VRK1: variants seen among roughly 807,000 people sequenced by gnomAD.
The protein encoded by VRK1 is VRK serine/threonine kinase 1.
VRK1 carries 33 observed loss-of-function variants against 57.1 expected under a neutral mutation model. That is an observed-to-expected ratio of 0.58 (90% CI 0.44 to 0.77). The LOEUF (loss-of-function observed/expected upper bound fraction) is 0.77, where lower values mean the gene tolerates loss of function less well. Among genes scored for constraint, VRK1 ranks in the 30% least tolerant of loss-of-function variants. The pLI is 0.00. For synonymous variants in VRK1, 137 were observed against 147.8 expected, an observed-to-expected ratio of 0.93 and a Z score of 0.53; for missense variants, 413 against 477.3, an observed-to-expected ratio of 0.87 and a Z score of 1.25.
intron 1 of VRK1, among the ~76,000 whole-genome samples, chr14:96,822,168 A>G (rs539329636): frequency 6.6e-6 from 1 of 151,828 alleles, no homozygotes; most frequent in South Asian, 2.1e-4. Flanking sequence ...TGAATAAAAT[A>G]TAAGCTCCAT....
chr14:96,807,255 A>G (rs951798938), intron 1 of VRK1, among the ~76,000 whole-genome samples: 2 of 152,204 alleles, frequency 1.3e-5, no homozygotes, highest in Non-Finnish European at 2.9e-5. Context: ...GTGGAAGTCT[A>G]CTTAATTTCT....
At chr14:96,852,690 G>A in intron 5 of VRK1, 141 bp from the exon 6 acceptor site, 1 of 708,970 alleles carries the variant, frequency 1.4e-6, no homozygotes, top group South Asian at 1.6e-5. Context: ...GGGAGAAATT[G>A]TTTCAAATGT....
At chr14:96,807,611 C>T (rs2139686030) in intron 1 of VRK1, among the ~76,000 whole-genome samples, 1 of 152,288 alleles carries the variant, frequency 6.6e-6, no homozygotes, top group African/African-American at 2.4e-5. Flanking sequence ...CCTTCTTCTA[C>T]ATAATTTTAT....
At chr14:96,832,084 G>A (rs749807587) in intron 1 of VRK1, among the ~76,000 whole-genome samples, 1 of 150,520 alleles carries the variant, frequency 6.6e-6, no homozygotes, top group Admixed American at 6.7e-5. Flanking sequence ...TTTAGACAGC[G>A]AAGATGCATT....
At chr14:96,881,074 T>A in intron 12 of VRK1, 103 bp from the exon 13 acceptor site, 1 of 1,023,824 alleles carries the variant, frequency 9.8e-7, no homozygotes, top group Non-Finnish European at 1.4e-6. Context: ...GTCGATTTGA[T>A]TTTAAAATGT....
At chr14:96,817,703 T>C (rs757435475) in intron 1 of VRK1, among the ~76,000 whole-genome samples, 1 of 152,248 alleles carries the variant, frequency 6.6e-6, no homozygotes, top group Non-Finnish European at 1.5e-5. Flanking sequence ...TGTAAAAGTT[T>C]GCTCACTAAT....
intron 5 of VRK1, among the ~76,000 whole-genome samples, chr14:96,851,186 G>C (rs1257624108): frequency 1.3e-5 from 2 of 151,448 alleles, no homozygotes; most frequent in Non-Finnish European, 2.9e-5. Flanking sequence ...TTGTCGTGCA[G>C]CTGGAGTGCA....
intron 1 of VRK1, among the ~76,000 whole-genome samples, chr14:96,817,349 T>C (rs8013081): frequency 0.62 from 94,589 of 151,816 alleles, 30,314 homozygotes; most frequent in African/African-American, 0.68. Context: ...TTTAATTTGT[T>C]TTTTGAATTT....
intron 1 of VRK1, among the ~76,000 whole-genome samples, chr14:96,818,528 T>G (rs1017616089): frequency 6.6e-6 from 1 of 152,298 alleles, no homozygotes; most frequent in East Asian, 1.9e-4. Flanking sequence ...CAGTTTGAGT[T>G]TAGCTTAATG....
rs1392561922 is a variant in VRK1, at chr14:96,881,197, G to A, written c.1180G>A (p.Val394Ile). 3.1e-6 allele frequency: 5 copies of A among 1,605,702 alleles called. No individual in the cohort carries two copies. Among genetic ancestry groups the A allele is most frequent in the Admixed American group, 1.7e-5 (1 of 59,358 alleles). The change falls in exon 13 of 13, where the codon GTC becomes ATC. Residue 394 changes from valine (V) to isoleucine (I), a missense_variant. Physicochemically the swap from Val to Ile is conservative, Grantham distance 29. This residue lies in a region of VRK1 where 146 missense variants were observed against 138.2 expected (regional missense o/e 1.06). Coordinates refer to ENST00000216639, the MANE Select transcript of VRK1 (RefSeq NM_003384.3). ...TCAAGGTTCAAGAACCAGAAAGAGA[G>A]TCCAGAAGTAATTCAGATGCTGTGA... ...IQTRSRTRKR[V>I]QK
intron 1 of VRK1, among the ~76,000 whole-genome samples, chr14:96,813,692 T>C (rs1370933916): frequency 2.0e-5 from 3 of 152,196 alleles, no homozygotes; most frequent in Non-Finnish European, 4.4e-5. Context: ...TTAGGTTTGA[T>C]CTTTTATACT....
chr14:96,808,029 G>C (rs867965651), intron 1 of VRK1, among the ~76,000 whole-genome samples: 2,150 of 68,482 alleles, frequency 0.031, 28 homozygotes, highest in Middle Eastern at 0.076. Flanking sequence ...GTGTGTGTGT[G>C]TGTGTGTGTG....
chr14:96,857,545 A>C (rs1783013436), intron 10 of VRK1, among the ~76,000 whole-genome samples: 1 of 152,150 alleles, frequency 6.6e-6, no homozygotes, highest in African/African-American at 2.4e-5. Context: ...TGAACTGCTT[A>C]TCCTGAGGGG....
intron 3 of VRK1, among the ~76,000 whole-genome samples, chr14:96,838,061 A>G (rs1382070286): frequency 1.3e-5 from 2 of 152,262 alleles, no homozygotes; most frequent in Non-Finnish European, 2.9e-5. Flanking sequence ...GCATAAAGGC[A>G]TGCAGATGTG....
intron 2 of VRK1, among the ~76,000 whole-genome samples, chr14:96,834,476 G>A (rs1274585656): frequency 6.6e-6 from 1 of 152,152 alleles, no homozygotes; most frequent in African/African-American, 2.4e-5. Context: ...TAGGGAGAGG[G>A]CCCAGCAGTG....
At chr14:96,856,318 T>C in intron 9 of VRK1, 68 bp downstream of exon 9, 1 of 1,567,624 alleles carries the variant, frequency 6.4e-7, no homozygotes, top group Admixed American at 1.7e-5. Flanking sequence ...CACAATTTCT[T>C]GATAGGAACT....
chr14:96,827,828 CCTTA>C (rs1437027658), intron 1 of VRK1, among the ~76,000 whole-genome samples: 1 of 152,070 alleles, frequency 6.6e-6, no homozygotes, highest in African/African-American at 2.4e-5. Flanking sequence ...GATTTGTGTA[CCTTA>C]CTTACTGTGT....
At chr14:96,824,685 CCTCT>C (rs1886732735) in intron 1 of VRK1, among the ~76,000 whole-genome samples, 1 of 147,828 alleles carries the variant, frequency 6.8e-6, no homozygotes. Flanking sequence ...TTTTTTTTTC[CCTCT>C]GTCGCCCAGC....
intron 3 of VRK1, among the ~76,000 whole-genome samples, chr14:96,842,574 G>A (rs1887508383): frequency 6.6e-6 from 1 of 152,116 alleles, no homozygotes. Context: ...TTTCTAAAAT[G>A]AGCATTATTT....
Sources: allele counts gnomAD v4.1 joint callset (sites outside exome capture counted in the v4.1 genomes callset), GRCh38; gene constraint gnomAD v4.1.1; regional missense constraint gnomAD v4.1.1; transcripts MANE v1.5; gene names NCBI Gene and HGNC (gene_info 2026-07-23, HGNC 2026-07-21).